Variants in MORC1 observed in about 807,000 individuals in gnomAD.
MORC1 encodes the protein MORC family CW-type zinc finger protein 1.
MORC1 carries 59 observed loss-of-function variants against 134.9 expected under a neutral mutation model. The observed-to-expected ratio is 0.44, with a 90% confidence interval of 0.35 to 0.54. The LOEUF (loss-of-function observed/expected upper bound fraction) is 0.54, where lower values mean the gene tolerates loss of function less well. Among genes scored for constraint, MORC1 ranks in the 20% least tolerant of loss-of-function variants. MORC1 has a pLI of 0.00. For missense variants in MORC1, 947 were observed against 1,134.5 expected (o/e 0.83, Z 2.37); for synonymous variants, 395 against 391.7 (o/e 1.01, Z -0.10).
At chr3:108,991,919 T>C (rs1279446274) in intron 21 of MORC1, among the ~76,000 whole-genome samples, 1 of 152,208 alleles carries the variant, frequency 6.6e-6, no homozygotes, top group Non-Finnish European at 1.5e-5. Flanking sequence ...TAAAATTGCT[T>C]AAGTTTTTCT....
chr3:108,976,932 A>T lies in MORC1; in HGVS notation c.2477+2583T>A, dbSNP rs576442255. Among the ~76,000 whole-genome samples, 6 of 152,360 alleles carry T rather than the reference A, an allele frequency of 3.9e-5. No individual in the cohort carries two copies. The East Asian group carries it at 5.8e-4, about 15-fold the overall frequency. On this transcript the variant is annotated intron_variant, in intron 24 of 27. Coordinates refer to ENST00000232603, the MANE Select transcript of MORC1 (RefSeq NM_014429.4). ...GATCACATGTAACTCACTAAAATTA[A>T]TAGAAATGTTACACTTAGACAAATA...
At chr3:108,971,818 G>A (rs1185930225) in intron 24 of MORC1, among the ~76,000 whole-genome samples, 1 of 137,788 alleles carries the variant, frequency 7.3e-6, no homozygotes, top group African/African-American at 2.6e-5. Flanking sequence ...AGGAAGGAAG[G>A]AAGGAAGGAA....
rs1950974558 is a variant in MORC1, at chr3:109,103,892, T to TC, written c.179dup (p.Phe61IlefsTer8). 3 of 1,613,832 alleles carry TC rather than the reference T, an allele frequency of 1.9e-6. No homozygotes were observed. The highest frequency in any genetic ancestry group is 1.1e-5 in the South Asian group (1 of 91,082). On this transcript the variant is annotated frameshift_variant, in exon 4 of 28. Transcript: ENST00000232603. LOFTEE classifies it high-confidence loss of function. ...CATCATCCAGGAAACACAACATGAATCCCCCCTGCAGTTTTTCATTATCCA... is the reference window on the plus strand; with the variant it reads ...CATCATCCAGGAAACACAACATGAATCCCCCCCTGCAGTTTTTCATTATCCA...
intron 4 of MORC1, among the ~76,000 whole-genome samples, chr3:109,100,785 C>A (rs114395483): frequency 6.6e-6 from 1 of 152,180 alleles, no homozygotes; most frequent in East Asian, 1.9e-4. Context: ...GGACTGACCA[C>A]GTACAGACTT....
At position 109,095,553 on chromosome 3, in the gene MORC1, C is replaced by T. The variant is rs544019934; in HGVS notation, c.424-485G>A. Among the ~76,000 whole-genome samples, 16 of 152,290 alleles carry T rather than the reference C, an allele frequency of 1.1e-4. No homozygotes were observed. The East Asian group carries it at 2.3e-3, about 22-fold the overall frequency. On this transcript the variant is annotated intron_variant, in intron 6 of 27. Coordinates refer to ENST00000232603, the MANE Select transcript of MORC1 (RefSeq NM_014429.4). ...AGATCCCCATCAGCAACAGCTCCTC[C>T]TCAACCCCCAGGGTCTGGATATTTA... is the stretch of plus-strand genomic sequence containing the variant.
chr3:109,047,294 G>A (rs910333832), intron 14 of MORC1, among the ~76,000 whole-genome samples: 2 of 152,094 alleles, frequency 1.3e-5, no homozygotes, highest in African/African-American at 4.8e-5. Flanking sequence ...AGGTATGGCA[G>A]GGAAAAATCA....
intron 21 of MORC1, among the ~76,000 whole-genome samples, chr3:108,996,280 G>GTGCGCA (rs970349965): frequency 5.9e-5 from 3 of 50,518 alleles, no homozygotes; most frequent in Non-Finnish European, 1.7e-4. Context: ...GTGCGTGCGC[G>GTGCGCA]CGCGCGCACA....
At chr3:108,993,421 C>A (rs901253523) in intron 21 of MORC1, among the ~76,000 whole-genome samples, 6 of 152,212 alleles carry the variant, frequency 3.9e-5, no homozygotes, top group African/African-American at 1.4e-4. Flanking sequence ...TGCTGGAGAA[C>A]TGATGAACAA....
intron 2 of MORC1, among the ~76,000 whole-genome samples, chr3:109,112,906 CCT>C (rs1279945689): frequency 2.6e-5 from 4 of 152,298 alleles, no homozygotes; most frequent in East Asian, 1.9e-4. Flanking sequence ...CTCTCAGTCC[CCT>C]GAGTCTGAAG....
chr3:108,984,798 GACAA>G lies in MORC1; in HGVS notation c.2258-20_2258-17del, dbSNP rs1395016878. 3 of 1,595,158 alleles carry G rather than the reference GACAA, an allele frequency of 1.9e-6. No homozygotes were observed. Among genetic ancestry groups the G allele is most frequent in the Admixed American group, 1.8e-5 (1 of 56,054 alleles). ...TCCTGTTTTTCTTCAAAAGAACATA[GACAA>G]ACAATCGCATTTGGATGATCACACA... On this transcript the variant is annotated splice_polypyrimidine_tract_variant and intron_variant, in intron 22 of 27. Coordinates refer to ENST00000232603, the MANE Select transcript of MORC1 (RefSeq NM_014429.4).
intron 14 of MORC1, among the ~76,000 whole-genome samples, chr3:109,041,425 A>G (rs575141601): frequency 6.6e-6 from 1 of 152,238 alleles, no homozygotes; most frequent in South Asian, 2.1e-4. Context: ...ATATTGAATA[A>G]AAGTGGCCAG....
At chr3:108,960,691 A>G (rs1271405416) in intron 27 of MORC1, among the ~76,000 whole-genome samples, 1 of 152,184 alleles carries the variant, frequency 6.6e-6, no homozygotes, top group Admixed American at 6.5e-5. Context: ...TTCCACCAAG[A>G]CAATGTTCCT....
chr3:109,075,595 G>C (rs570082226), intron 8 of MORC1, among the ~76,000 whole-genome samples: 304 of 152,286 alleles, frequency 2.0e-3, no homozygotes, highest in Admixed American at 4.7e-3. Flanking sequence ...GTTTGTCAAA[G>C]ATCAGATGGT....
At chr3:109,061,430 G>A (rs1182658057) in intron 11 of MORC1, among the ~76,000 whole-genome samples, 1 of 152,022 alleles carries the variant, frequency 6.6e-6, no homozygotes, top group Non-Finnish European at 1.5e-5. Flanking sequence ...ATATTGTTAA[G>A]AATTACAAAG....
At chr3:109,007,669 T>C (rs1948575945) in intron 17 of MORC1, among the ~76,000 whole-genome samples, 1 of 152,222 alleles carries the variant, frequency 6.6e-6, no homozygotes, top group Admixed American at 6.5e-5. Flanking sequence ...TCAGTTAAAT[T>C]ATCTATCCTG....
chr3:108,979,878 T>A (rs985708797), intron 23 of MORC1, among the ~76,000 whole-genome samples: 2 of 152,178 alleles, frequency 1.3e-5, no homozygotes, highest in African/African-American at 4.8e-5. Flanking sequence ...TTTTCAAAGT[T>A]TTTAGGTAGT....
chr3:109,041,574 C>T lies in MORC1; in HGVS notation c.1331-6106G>A, dbSNP rs962287850. Among the ~76,000 whole-genome samples, 15 of 151,932 alleles carry T rather than the reference C, an allele frequency of 9.9e-5. No individual in the cohort carries two copies. The South Asian group carries it at 1.7e-3, about 17-fold the overall frequency. On this transcript the variant is annotated intron_variant, in intron 14 of 27. Transcript: ENST00000232603. Reference sequence around the variant, plus strand: ...AAAAATGCAAAAAAATTAGCCCGGGCGCCATGGCTCAAGCCTGTAATCCCA... The same window carrying T: ...AAAAATGCAAAAAAATTAGCCCGGGTGCCATGGCTCAAGCCTGTAATCCCA...
At chr3:109,071,687 G>A (rs1002702050) in intron 8 of MORC1, among the ~76,000 whole-genome samples, 2 of 152,158 alleles carry the variant, frequency 1.3e-5, no homozygotes, top group African/African-American at 4.8e-5. Flanking sequence ...GCAGCAACAT[G>A]TGTGTGATGT....
intron 21 of MORC1, among the ~76,000 whole-genome samples, chr3:108,999,568 C>T (rs1948338628): frequency 6.6e-6 from 1 of 152,186 alleles, no homozygotes; most frequent in African/African-American, 2.4e-5. Context: ...TGATATGTCT[C>T]TCATTGGCAC....
Sources: allele counts gnomAD v4.1 joint callset (sites outside exome capture counted in the v4.1 genomes callset), GRCh38; gene constraint gnomAD v4.1.1; transcripts MANE v1.5; gene names NCBI Gene and HGNC (gene_info 2026-07-23, HGNC 2026-07-21).